The following ZNF713 variants were observed in gnomAD, a reference collection of about 807,000 sequenced individuals.
The protein encoded by ZNF713 is zinc finger protein 713.
In ZNF713, 21 loss-of-function variants were observed where a neutral mutation model predicts 28.7. That is an observed-to-expected ratio of 0.73 (90% CI 0.52 to 1.05). The LOEUF is 1.05. ZNF713 is among the 50% of genes least tolerant of loss of function. The pLI is 0.00. For synonymous variants in ZNF713, 167 were observed against 178.0 expected (o/e 0.94, Z 0.49); for missense variants, 458 against 532.4 (o/e 0.86, Z 1.37).
chr7:55,903,821 C>CA (rs1387167135), intron 1 of ZNF713, among the ~76,000 whole-genome samples: 2 of 152,050 alleles, frequency 1.3e-5, no homozygotes, highest in African/African-American at 4.8e-5. Flanking sequence ...CAGCACCTAA[C>CA]AGCAGGTCCG....
At chr7:55,934,044 C>A (rs1307161956) in intron 6 of ZNF713, among the ~76,000 whole-genome samples, 1 of 151,982 alleles carries the variant, frequency 6.6e-6, no homozygotes, top group Non-Finnish European at 1.5e-5. Flanking sequence ...GTTGGGGCTA[C>A]CAGATTTTGT....
chr7:55,925,166 AC>A (rs985114816), intron 6 of ZNF713, among the ~76,000 whole-genome samples: 53 of 152,248 alleles, frequency 3.5e-4, no homozygotes, highest in African/African-American at 1.2e-3. Flanking sequence ...CACCAGGTGA[AC>A]CTACCCCATC....
At chr7:55,893,043 C>T (rs1021779677) in intron 1 of ZNF713, among the ~76,000 whole-genome samples, 5 of 151,346 alleles carry the variant, frequency 3.3e-5, no homozygotes, top group Admixed American at 1.3e-4. Flanking sequence ...CCACCACGCC[C>T]GGCTAATTTT....
intron 6 of ZNF713, among the ~76,000 whole-genome samples, chr7:55,934,265 C>G (rs563301019): frequency 2.6e-5 from 4 of 152,024 alleles, no homozygotes; most frequent in African/African-American, 9.7e-5. Context: ...TATGTACTTG[C>G]GCACAAAACT....
At chr7:55,899,837 G>A (rs901254617) in intron 1 of ZNF713, among the ~76,000 whole-genome samples, 2 of 151,934 alleles carry the variant, frequency 1.3e-5, no homozygotes, top group African/African-American at 4.8e-5. Flanking sequence ...TGTCTCCCAG[G>A]TTCAAGTGAT....
At chr7:55,898,886 TG>T (rs1278706634) in intron 1 of ZNF713, among the ~76,000 whole-genome samples, 2 of 152,134 alleles carry the variant, frequency 1.3e-5, no homozygotes, top group Non-Finnish European at 2.9e-5. Flanking sequence ...TTGATGGATA[TG>T]CAGATTAAAA....
At chr7:55,938,942 GAAT>G in intron 6 of ZNF713, 37 bp from the exon 7 acceptor site, 1 of 1,522,564 alleles carries the variant, frequency 6.6e-7, no homozygotes, top group Non-Finnish European at 8.8e-7. Context: ...GATAACATGA[GAAT>G]ATTGGAAAGT....
At chr7:55,914,505 G>T (rs1442093279) in intron 4 of ZNF713, among the ~76,000 whole-genome samples, 1 of 152,184 alleles carries the variant, frequency 6.6e-6, no homozygotes, top group African/African-American at 2.4e-5. Flanking sequence ...TGGGGGGCTT[G>T]TTAAAATCCA....
intron 2 of ZNF713, among the ~76,000 whole-genome samples, chr7:55,910,473 C>T (rs9642405): frequency 0.29 from 43,565 of 151,700 alleles, 6,654 homozygotes; most frequent in Middle Eastern, 0.38. Context: ...TCCTTTGATG[C>T]TTGGTTTGTT....
intron 1 of ZNF713, among the ~76,000 whole-genome samples, chr7:55,898,463 C>T (rs1411677257): frequency 6.6e-6 from 1 of 152,180 alleles, no homozygotes; most frequent in Non-Finnish European, 1.5e-5. Context: ...TGGGAGGCCT[C>T]AGGAAACTTA....
intron 6 of ZNF713, among the ~76,000 whole-genome samples, chr7:55,935,654 C>T (rs780826632): frequency 1.9e-4 from 29 of 152,118 alleles, no homozygotes; most frequent in Non-Finnish European, 3.8e-4. Context: ...CAGAGCAAGG[C>T]TATAAGAAAG....
At chr7:55,891,779 G>T (rs1311787035) in intron 1 of ZNF713, among the ~76,000 whole-genome samples, 2 of 151,740 alleles carry the variant, frequency 1.3e-5, no homozygotes, top group East Asian at 2.0e-4. Context: ...ACTAGTTCAT[G>T]ATATATAATG....
At chr7:55,921,832 G>A (rs1217611281) in intron 4 of ZNF713, among the ~76,000 whole-genome samples, 1 of 152,214 alleles carries the variant, frequency 6.6e-6, no homozygotes, top group Non-Finnish European at 1.5e-5. Context: ...AAGTTCTACT[G>A]TGGTAAAAAT....
chr7:55,916,091 A>G (rs1459061952), intron 4 of ZNF713, among the ~76,000 whole-genome samples: 7 of 152,232 alleles, frequency 4.6e-5, no homozygotes, highest in Non-Finnish European at 7.3e-5. Context: ...AGATGACTTC[A>G]AAGAGTGGAA....
chr7:55,919,497 T>TTGTTTTTTTTTTGTTTTTTTTTTG, intron 4 of ZNF713, among the ~76,000 whole-genome samples: 3 of 44,964 alleles, frequency 6.7e-5, no homozygotes, highest in Non-Finnish European at 1.1e-4. Flanking sequence ...CCAGTTTTTT[T>TTGTTTTTTTTTTGTTTTTTTTTTG]TTTTTTTTTT....
chr7:55,888,544 G>C (rs1242044162), intron 1 of ZNF713, among the ~76,000 whole-genome samples: 1 of 152,018 alleles, frequency 6.6e-6, no homozygotes, highest in Non-Finnish European at 1.5e-5. Flanking sequence ...CACCACGTGC[G>C]GCTTTTTGTT....
Position 55,941,800 on chromosome 7 carries a change from A to C in ZNF713, c.*1794A>C, listed in dbSNP as rs2116284455. The C allele has an allele frequency of 1.3e-5, 2 of 152,248 alleles. No homozygotes were observed. The highest frequency in any genetic ancestry group is 3.4e-3 in the Middle Eastern group (1 of 294). The allele number at this position is 152,248 out of a possible 1,614,324, so 9.4% of individuals were successfully genotyped here. On this transcript the variant is annotated 3_prime_UTR_variant, in exon 7 of 7. Transcript: ENST00000429591. ...AAATCTTGTGTGCCGTTGTTTGAGAAACAGTGTGATAGTTTGTGGCAATAT... is the reference window on the plus strand; with the variant it reads ...AAATCTTGTGTGCCGTTGTTTGAGACACAGTGTGATAGTTTGTGGCAATAT...
intron 1 of ZNF713, among the ~76,000 whole-genome samples, chr7:55,889,264 G>A (rs968048119): frequency 1.3e-5 from 2 of 151,968 alleles, no homozygotes; most frequent in Non-Finnish European, 2.9e-5. Context: ...ACCACACCTG[G>A]CTCATTTTTG....
chr7:55,920,336 A>G (rs2116232878), intron 4 of ZNF713, among the ~76,000 whole-genome samples: 1 of 152,374 alleles, frequency 6.6e-6, no homozygotes, highest in Non-Finnish European at 1.5e-5. Context: ...ACAAAGGAAA[A>G]GCTATTGAAG....
Sources: allele counts gnomAD v4.1 joint callset (sites outside exome capture counted in the v4.1 genomes callset), GRCh38; gene constraint gnomAD v4.1.1; transcripts MANE v1.5; gene names NCBI Gene and HGNC (gene_info 2026-07-23, HGNC 2026-07-21).